NAV2: variants seen among roughly 807,000 people sequenced by gnomAD.
The protein encoded by NAV2 is neuron navigator 2, also known as helicase, APC down-regulated 1.
Under a neutral mutation model 223.2 loss-of-function variants are expected in NAV2, and 54 were observed. That is an observed-to-expected ratio of 0.24 (90% CI 0.19 to 0.30). NAV2 has a LOEUF of 0.30. Among genes scored for constraint, NAV2 ranks in the 10% least tolerant of loss-of-function variants. The pLI, the probability that NAV2 is intolerant of heterozygous loss-of-function variation, is 1.00. For synonymous variants in NAV2, 1,279 were observed against 1,239.3 expected, an observed-to-expected ratio of 1.03 and a Z score of -0.67; for missense variants, 2,806 against 3,147.5, an observed-to-expected ratio of 0.89 and a Z score of 2.60.
intron 1 of NAV2, among the ~76,000 whole-genome samples, chr11:19,612,424 A>C (rs1233744279): frequency 1.3e-5 from 2 of 152,154 alleles, no homozygotes; most frequent in Non-Finnish European, 2.9e-5. Flanking sequence ...TCAGGCTGCA[A>C]ATTTTCCAAA....
chr11:19,417,737 G>A (rs537859928), intron 1 of NAV2, among the ~76,000 whole-genome samples: 8 of 152,256 alleles, frequency 5.3e-5, no homozygotes, highest in South Asian at 2.1e-4. Context: ...TAAAGACAAC[G>A]TGACACATAT....
At chr11:19,433,029 T>G (rs141175743) in intron 1 of NAV2, among the ~76,000 whole-genome samples, 1 of 152,290 alleles carries the variant, frequency 6.6e-6, no homozygotes, top group Non-Finnish European at 1.5e-5. Context: ...CACTGGACAT[T>G]GACAAGCTGG....
chr11:20,061,568 C>CA (rs34084582), intron 19 of NAV2, among the ~76,000 whole-genome samples: 6,112 of 94,700 alleles, frequency 0.065, 196 homozygotes, highest in Non-Finnish European at 0.085. Context: ...AACTCCATCT[C>CA]AAAAAAAAAA....
At chr11:19,552,732 G>C (rs1284374804) in intron 1 of NAV2, among the ~76,000 whole-genome samples, 1 of 152,194 alleles carries the variant, frequency 6.6e-6, no homozygotes, top group African/African-American at 2.4e-5. Context: ...TAGTGTAAAA[G>C]AGCTGAACAG....
chr11:19,536,545 AC>A (rs1352320236), intron 1 of NAV2, among the ~76,000 whole-genome samples: 1 of 152,146 alleles, frequency 6.6e-6, no homozygotes, highest in African/African-American at 2.4e-5. Context: ...ATGTGCCAAT[AC>A]CCATTAAAGT....
chr11:19,427,583 C>A (rs1312928841), intron 1 of NAV2, among the ~76,000 whole-genome samples: 1 of 152,192 alleles, frequency 6.6e-6, no homozygotes, highest in Non-Finnish European at 1.5e-5. Context: ...GGCTTCCTGG[C>A]TGTGGCACAA....
At chr11:20,028,998 A>T (rs898105519) in intron 11 of NAV2, among the ~76,000 whole-genome samples, 2 of 152,200 alleles carry the variant, frequency 1.3e-5, no homozygotes, top group Admixed American at 1.3e-4. Flanking sequence ...AGGGCCGCTA[A>T]CTCAGGGCTA....
chr11:19,963,163 G>A (rs887558677), intron 10 of NAV2, among the ~76,000 whole-genome samples: 1 of 152,156 alleles, frequency 6.6e-6, no homozygotes, highest in Non-Finnish European at 1.5e-5. Context: ...TAACTGCTTT[G>A]GAGAGTTTAT....
At chr11:19,700,801 T>G (rs1180478770) in intron 1 of NAV2, among the ~76,000 whole-genome samples, 1 of 152,234 alleles carries the variant, frequency 6.6e-6, no homozygotes, top group Non-Finnish European at 1.5e-5. Flanking sequence ...CTGATGTGGT[T>G]ATGTAATTAC....
At chr11:19,682,890 C>G (rs1352532270) in intron 1 of NAV2, among the ~76,000 whole-genome samples, 1 of 152,132 alleles carries the variant, frequency 6.6e-6, no homozygotes, top group Non-Finnish European at 1.5e-5. Context: ...GACAAACATC[C>G]AAAACATATC....
chr11:19,562,210 T>C (rs2045124459), intron 1 of NAV2, among the ~76,000 whole-genome samples: 1 of 152,230 alleles, frequency 6.6e-6, no homozygotes, highest in Non-Finnish European at 1.5e-5. Context: ...GTGTTATCTA[T>C]ATTTTCTCAT....
At chr11:19,512,138 C>A (rs779450965) in intron 1 of NAV2, among the ~76,000 whole-genome samples, 12 of 152,126 alleles carry the variant, frequency 7.9e-5, no homozygotes, top group Non-Finnish European at 1.8e-4. Context: ...CCACTTCATT[C>A]CCTGGAGAGC....
chr11:20,020,029 G>C (rs1158966919), intron 11 of NAV2, among the ~76,000 whole-genome samples: 2 of 151,548 alleles, frequency 1.3e-5, no homozygotes, highest in Non-Finnish European at 2.9e-5. Context: ...GATTTGATGA[G>C]ATTAGTGATA....
At chr11:19,375,665 G>A (rs76407194) in intron 1 of NAV2, among the ~76,000 whole-genome samples, 2,342 of 151,288 alleles carry the variant, frequency 0.015, 54 homozygotes, top group African/African-American at 0.054. Flanking sequence ...TTTATCTACA[G>A]AATTACATGA....
intron 11 of NAV2, 73 bp downstream of exon 11, chr11:19,984,320 G>A: frequency 6.2e-7 from 1 of 1,602,492 alleles, no homozygotes; most frequent in Admixed American, 1.7e-5. Flanking sequence ...TGAGGGTTAT[G>A]ATATTGGGAG....
At chr11:19,883,242 G>A (rs946347966) in intron 5 of NAV2, among the ~76,000 whole-genome samples, 1 of 152,190 alleles carries the variant, frequency 6.6e-6, no homozygotes, top group African/African-American at 2.4e-5. Flanking sequence ...TGCTGGTAAA[G>A]GAGCTATGGA....
In NAV2 at chr11:19,969,236, C is replaced by A. The variant is rs114171172; in HGVS notation, c.2646-14889C>A. 1.2e-3 allele frequency among the ~76,000 whole-genome samples: 189 copies of A among 152,320 alleles called. 1 individual carries two copies. The highest frequency in any genetic ancestry group is 4.3e-3 in the African/African-American group (180 of 41,556). On this transcript the variant is annotated intron_variant, in intron 10 of 37. Transcript: ENST00000349880. Reference sequence around the variant, plus strand: ...GAAATTTGGCCATGGAGAAATGAAACTCGCTTCAGCTCAAGTTCAGGATGC... The same window carrying A: ...GAAATTTGGCCATGGAGAAATGAAAATCGCTTCAGCTCAAGTTCAGGATGC...
intron 8 of NAV2, among the ~76,000 whole-genome samples, chr11:19,945,424 G>T (rs2153355150): frequency 6.6e-6 from 1 of 151,144 alleles, no homozygotes; most frequent in South Asian, 2.1e-4. Context: ...ACCCAGGCTG[G>T]ATTGCAATGG....
At chr11:19,635,484 A>C (rs2047470056) in intron 1 of NAV2, among the ~76,000 whole-genome samples, 1 of 152,132 alleles carries the variant, frequency 6.6e-6, no homozygotes. Context: ...CAAAGAAAAG[A>C]GGTTTATTTG....
Sources: gnomAD v4.1 joint callset for allele counts (sites outside exome capture counted in the v4.1 genomes callset) on GRCh38, gnomAD v4.1.1 for gene constraint, MANE v1.5 for transcripts, NCBI Gene and HGNC (gene_info 2026-07-23, HGNC 2026-07-21) for gene names.